Variants in SCN8A observed in about 807,000 individuals in gnomAD.
SCN8A encodes the protein sodium voltage-gated channel alpha subunit 8.
A neutral mutation model predicts 184.1 loss-of-function variants in SCN8A; 30 were observed. That is an observed-to-expected ratio of 0.16 (90% CI 0.12 to 0.22). The LOEUF (loss-of-function observed/expected upper bound fraction) is 0.22. SCN8A is among the 10% of genes least tolerant of loss of function. The probability of loss-of-function intolerance (pLI) is 1.00; values close to 1 mark genes in which losing one functional copy is unlikely to be tolerated. For synonymous variants in SCN8A, 852 were observed against 907.0 expected (o/e 0.94, Z 1.09); for missense variants, 1,057 against 2,498.9 (o/e 0.42, Z 12.30).
At chr12:51,606,272 G>A (rs1255792120) in intron 1 of SCN8A, among the ~76,000 whole-genome samples, 2 of 152,156 alleles carry the variant, frequency 1.3e-5, no homozygotes, top group African/African-American at 4.8e-5. Context: ...TGTATAAGGT[G>A]AGAGATGAGG....
At position 51,706,504 on chromosome 12, in the gene SCN8A, G is replaced by A. The variant is rs201018451; in HGVS notation, c.1424G>A (p.Arg475Gln). ...EEGEEGGGSP[R>Q]SSSEISKLSS... is the part of the protein sequence containing the mutation. ...GGTGAAGAAGGAGGGGGCTCCCCTC[G>A]GAGCTCTTCTGAAATCTCTAAACTC... The change falls in exon 11 of 27, where the codon CGG becomes CAG. Residue 475 changes from arginine to glutamine, a missense_variant. Around this residue, in one of 19 missense-constraint regions of SCN8A, gnomAD observed 322 missense variants for 390.1 expected, o/e 0.83. Coordinates refer to ENST00000627620, the MANE Select transcript of SCN8A (RefSeq NM_001330260.2). 109 of 1,605,022 alleles carry A rather than the reference G, an allele frequency of 6.8e-5. No homozygotes were observed. The African/African-American group carries it at 8.8e-4, about 13-fold the overall frequency.
chr12:51,712,326 A>C, intron 11 of SCN8A: 4 of 571,576 alleles, frequency 7.0e-6, no homozygotes, highest in Non-Finnish European at 3.1e-6. Flanking sequence ...CTGACTATGG[A>C]TCATCCTTCC....
At chr12:51,684,604 G>T (rs940279213) in intron 3 of SCN8A, among the ~76,000 whole-genome samples, 1 of 152,114 alleles carries the variant, frequency 6.6e-6, no homozygotes, top group African/African-American at 2.4e-5. Context: ...ATTTCTTTCT[G>T]TGGCCAACTA....
At chr12:51,732,127 T>G (rs977653044) in intron 12 of SCN8A, among the ~76,000 whole-genome samples, 42 of 152,146 alleles carry the variant, frequency 2.8e-4, no homozygotes, top group African/African-American at 9.2e-4. Flanking sequence ...TAGGGTATTA[T>G]TCAAGAAATT....
intron 13 of SCN8A, among the ~76,000 whole-genome samples, chr12:51,747,328 GTTA>G (rs1942528685): frequency 6.6e-6 from 1 of 152,100 alleles, no homozygotes; most frequent in Non-Finnish European, 1.5e-5. Context: ...TACCATCGGG[GTTA>G]TTGTCTGATA....
chr12:51,630,243 C>T (rs1314642610), intron 1 of SCN8A, among the ~76,000 whole-genome samples: 1 of 152,068 alleles, frequency 6.6e-6, no homozygotes, highest in Non-Finnish European at 1.5e-5. Flanking sequence ...CTAACTTAAA[C>T]TCTAGCTATT....
intron 12 of SCN8A, among the ~76,000 whole-genome samples, chr12:51,724,082 C>T (rs1041788422): frequency 1.1e-4 from 16 of 152,146 alleles, no homozygotes; most frequent in African/African-American, 3.6e-4. Flanking sequence ...TTAAGATCAG[C>T]AACAGTAAGA....
chr12:51,710,027 A>T (rs773463760), intron 11 of SCN8A, among the ~76,000 whole-genome samples: 1 of 152,140 alleles, frequency 6.6e-6, no homozygotes, highest in Non-Finnish European at 1.5e-5. Context: ...AAATGAATTA[A>T]TTTTTTGATA....
intron 1 of SCN8A, among the ~76,000 whole-genome samples, chr12:51,602,244 T>C (rs117164076): frequency 7.2e-5 from 11 of 152,316 alleles, no homozygotes; most frequent in Non-Finnish European, 1.6e-4. Context: ...CCTGATCTGA[T>C]CACTATATAT....
intron 1 of SCN8A, among the ~76,000 whole-genome samples, chr12:51,650,506 CTTTT>C (rs71092715): frequency 6.9e-5 from 7 of 101,050 alleles, no homozygotes; most frequent in Admixed American, 1.0e-4. Context: ...AAAAGGCACT[CTTTT>C]TTTTTTTTTT....
At chr12:51,804,989 A>G (rs923334986) in intron 26 of SCN8A, among the ~76,000 whole-genome samples, 2 of 152,200 alleles carry the variant, frequency 1.3e-5, no homozygotes, top group Non-Finnish European at 2.9e-5. Context: ...TTAAAGGATA[A>G]TGAGGTTATG....
At chr12:51,601,869 T>G (rs1200605513) in intron 1 of SCN8A, among the ~76,000 whole-genome samples, 2 of 150,440 alleles carry the variant, frequency 1.3e-5, no homozygotes, top group African/African-American at 4.9e-5. Flanking sequence ...TTTTTTTTTT[T>G]TTTTTTTTTT....
chr12:51,746,022 T>C lies in SCN8A; in HGVS notation c.2118T>C (p.Asn706=), dbSNP rs555404940. 1.7e-5 allele frequency: 27 copies of C among 1,608,306 alleles called. No homozygotes were observed. In the East Asian group the frequency reaches 5.4e-4, roughly 32 times the overall value. ...ACAGTATAATGAGTGTTGTTACAAA[T>C]ACACTAGTAGAAGGTATGTGCCCTA... The part of the protein sequence containing the change: ...RINSIMSVVT[N]TLVEELEESQ... The change falls in exon 13 of 27, where the codon AAT becomes AAC. Residue 706 remains asparagine, a synonymous_variant. Coordinates refer to ENST00000627620, the MANE Select transcript of SCN8A (RefSeq NM_001330260.2).
At chr12:51,608,691 GC>G (rs1294314033) in intron 1 of SCN8A, among the ~76,000 whole-genome samples, 38 of 152,160 alleles carry the variant, frequency 2.5e-4, no homozygotes, top group African/African-American at 9.2e-4. Flanking sequence ...GAAAGAACCA[GC>G]TTTTTGTTTC....
intron 13 of SCN8A, 92 bp downstream of exon 13, chr12:51,746,127 CAA>C: frequency 8.3e-7 from 1 of 1,210,630 alleles, no homozygotes. Flanking sequence ...CTGAGTTTTG[CAA>C]AGACTGTCTC....
chr12:51,662,251 C>G (rs991344242), intron 1 of SCN8A, among the ~76,000 whole-genome samples: 2 of 152,290 alleles, frequency 1.3e-5, no homozygotes, highest in East Asian at 1.9e-4. Flanking sequence ...GCGATTTTAT[C>G]TATATTTTGT....
At chr12:51,667,364 C>T (rs1246990012) in intron 2 of SCN8A, among the ~76,000 whole-genome samples, 1 of 151,410 alleles carries the variant, frequency 6.6e-6, no homozygotes, top group Non-Finnish European at 1.5e-5. Flanking sequence ...TTTGTTTTTA[C>T]TTACTATTAT....
chr12:51,805,914 C>T (rs1938687699), intron 26 of SCN8A, among the ~76,000 whole-genome samples: 1 of 152,054 alleles, frequency 6.6e-6, no homozygotes, highest in South Asian at 2.1e-4. Context: ...CTACAACCTC[C>T]ACCTACCAGG....
intron 15 of SCN8A, among the ~76,000 whole-genome samples, chr12:51,764,311 G>A (rs1299271334): frequency 6.6e-6 from 1 of 151,952 alleles, no homozygotes; most frequent in Non-Finnish European, 1.5e-5. Context: ...AATTTTATTG[G>A]CCACACTGCC....
Sources: gnomAD v4.1 joint callset for allele counts (sites outside exome capture counted in the v4.1 genomes callset) on GRCh38, gnomAD v4.1.1 for gene constraint, gnomAD v4.1.1 regional missense constraint, MANE v1.5 for transcripts, NCBI Gene and HGNC (gene_info 2026-07-23, HGNC 2026-07-21) for gene names.